The following COA8 variants were observed in gnomAD, a reference collection of about 807,000 sequenced individuals.
COA8 encodes cytochrome c oxidase assembly factor 8.
In COA8, 20 loss-of-function variants were observed where a neutral mutation model predicts 22.0. The observed-to-expected ratio is 0.91, with a 90% CI of 0.64 to 1.32. COA8 has a LOEUF of 1.32. Among genes scored for constraint, COA8 ranks in the 40% most tolerant of loss-of-function variants. The probability of loss-of-function intolerance (pLI) is 0.00; values close to 1 mark genes in which losing one functional copy is unlikely to be tolerated. For missense variants in COA8, 266 were observed against 230.0 expected (o/e 1.16, Z -1.01); for synonymous variants, 105 against 79.9 (o/e 1.31, Z -1.68).
Position 103,590,365 on chromosome 14 carries a change from A to G in COA8, c.*79A>G, listed in dbSNP as rs1225755785. On this transcript the variant is annotated 3_prime_UTR_variant, in exon 5 of 5. Transcript: ENST00000409074. Reference sequence around the variant, plus strand: ...TCCTTTCACAGGGGCTCTGAGAAAAACTGGAGCTGATCTCAAGAAGCCCCA... The same window carrying G: ...TCCTTTCACAGGGGCTCTGAGAAAAGCTGGAGCTGATCTCAAGAAGCCCCA... 5.2e-6 allele frequency: 7 copies of G among 1,337,656 alleles called. No individual in the cohort carries two copies. Among genetic ancestry groups the G allele is most frequent in the Non-Finnish European group, 7.3e-6 (7 of 958,316 alleles). 82.9% of individuals were successfully genotyped at this position (1,337,656 alleles called of 1,614,324 possible). A position where few individuals can be genotyped will look rare whatever the true frequency, so the allele number is the denominator to read the frequency against.
At chr14:103,571,495 G>A (rs898913531) in intron 1 of COA8, 128 bp from the exon 2 acceptor site, 15 of 907,816 alleles carry the variant, frequency 1.7e-5, no homozygotes, top group Middle Eastern at 2.9e-4. Flanking sequence ...CTGAGATCAC[G>A]CCACTACACT....
chr14:103,578,097 G>A (rs2076242308), intron 3 of COA8, among the ~76,000 whole-genome samples: 1 of 151,826 alleles, frequency 6.6e-6, no homozygotes, highest in Non-Finnish European at 1.5e-5. Flanking sequence ...GGGAGGCTGA[G>A]GTGGGAGGAT....
chr14:103,583,414 G>A (rs966701548), intron 3 of COA8, among the ~76,000 whole-genome samples: 1 of 151,776 alleles, frequency 6.6e-6, no homozygotes, highest in Non-Finnish European at 1.5e-5. Context: ...GGTGGCGGGC[G>A]CCTGTAATCC....
intron 1 of COA8, chr14:103,563,396 C>T (rs1055755954): frequency 1.9e-4 from 116 of 606,850 alleles, no homozygotes; most frequent in Non-Finnish European, 2.3e-4. Flanking sequence ...TTGTACCTAC[C>T]TTATTTGTTC....
intron 3 of COA8, among the ~76,000 whole-genome samples, chr14:103,586,758 G>A (rs371789481): frequency 2.6e-5 from 4 of 151,554 alleles, no homozygotes; most frequent in East Asian, 1.9e-4. Context: ...TAGTAGAGAC[G>A]GGGTTTCACC....
chr14:103,576,621 T>C (rs564555776), intron 3 of COA8, among the ~76,000 whole-genome samples: 1 of 152,332 alleles, frequency 6.6e-6, no homozygotes, highest in East Asian at 1.9e-4. Flanking sequence ...AGCAATTTCT[T>C]CCTCATGTTT....
intron 3 of COA8, among the ~76,000 whole-genome samples, chr14:103,585,292 A>G (rs2076297591): frequency 6.6e-6 from 1 of 151,588 alleles, no homozygotes; most frequent in Non-Finnish European, 1.5e-5. Flanking sequence ...CAGCCTGACC[A>G]ACATGGAGAA....
Position 103,562,962 on chromosome 14 carries a change from A to T in COA8, c.-40A>T. The T allele has an allele frequency of 6.8e-7, 1 of 1,476,416 alleles. No homozygotes were observed. Among genetic ancestry groups the T allele is most frequent in the Non-Finnish European group, 8.9e-7 (1 of 1,120,664 alleles). The allele number at this position is 1,476,416 out of a possible 1,614,324, so 91.5% of individuals were successfully genotyped here. On this transcript the variant is annotated 5_prime_UTR_variant, in exon 1 of 5. Transcript: ENST00000409074. ...GTAAAGCGGCCCCTCGCGCCGTCGC[A>T]ATGCTGCCGTGCGCCGCGGGAGCCA...
chr14:103,564,682 C>T (rs2076122614), intron 1 of COA8, among the ~76,000 whole-genome samples: 1 of 146,428 alleles, frequency 6.8e-6, no homozygotes, highest in Admixed American at 7.2e-5. Context: ...CGGGCTCAAG[C>T]GATTCTCGTG....
At chr14:103,563,163 A>G (rs1437651116) in intron 1 of COA8, 39 bp downstream of exon 1, 2 of 1,538,334 alleles carry the variant, frequency 1.3e-6, no homozygotes, top group East Asian at 2.4e-5. Context: ...GGGAGGGGTG[A>G]CCGGAAGGGA....
At position 103,576,624 on chromosome 14, in the gene COA8, T is replaced by C. The variant is rs1285008895; in HGVS notation, c.385+2454T>C. On this transcript the variant is annotated intron_variant, in intron 3 of 4. Coordinates refer to ENST00000409074, the MANE Select transcript of COA8 (RefSeq NM_001370595.2). Reference sequence around the variant, plus strand: ...CGCTAGGACCAGAGCAATTTCTTCCTCATGTTTAAACTTTTCTCCTAGGCC... The same window carrying C: ...CGCTAGGACCAGAGCAATTTCTTCCCCATGTTTAAACTTTTCTCCTAGGCC... Among the ~76,000 whole-genome samples, 3 of 152,190 alleles carry C rather than the reference T, an allele frequency of 2.0e-5. No homozygotes were observed. The East Asian group carries it at 5.8e-4, about 29-fold the overall frequency.
intron 1 of COA8, among the ~76,000 whole-genome samples, 155 bp from the exon 2 acceptor site, chr14:103,571,468 T>C (rs2076183614): frequency 6.6e-6 from 1 of 152,186 alleles, no homozygotes; most frequent in African/African-American, 2.4e-5. Flanking sequence ...CTCCTACTTG[T>C]AATCCCAGCA....
At chr14:103,577,522 A>G (rs764314154) in intron 3 of COA8, among the ~76,000 whole-genome samples, 8 of 152,182 alleles carry the variant, frequency 5.3e-5, no homozygotes, top group Non-Finnish European at 8.8e-5. Flanking sequence ...AGAAGAATTT[A>G]GCTACACATA....
Position 103,563,042 on chromosome 14 carries a change from C to T in COA8, c.41C>T (p.Pro14Leu), listed in dbSNP as rs74917403. The stretch of plus-strand genomic sequence containing the variant: ...GCGGGGAAGAAGACCTTTCTCCCCC[C>T]TCTCTGCCGCGCCTTCGCCTGCCGC... ...LRAGKKTFLP[P>L]LCRAFACRGC... Residue 14 changes from proline (P) to leucine (L), a missense_variant, in exon 1 of 5, where the codon CCT becomes CTT. Pro to Leu is a moderately conservative substitution (Grantham distance 98). Coordinates refer to ENST00000409074, the MANE Select transcript of COA8 (RefSeq NM_001370595.2). The T allele has an allele frequency of 2.3e-5, 36 of 1,543,340 alleles. No individual in the cohort carries two copies. In the East Asian group the frequency reaches 3.8e-4, roughly 16 times the overall value.
chr14:103,565,622 T>G (rs1018597973), intron 1 of COA8, among the ~76,000 whole-genome samples: 1 of 151,344 alleles, frequency 6.6e-6, no homozygotes, highest in African/African-American at 2.4e-5. Flanking sequence ...TTTTTAATTT[T>G]TTTTTTTTTT....
At chr14:103,569,857 G>C (rs142931219) in intron 1 of COA8, among the ~76,000 whole-genome samples, 2,194 of 151,852 alleles carry the variant, frequency 0.014, 53 homozygotes, top group African/African-American at 0.05. Flanking sequence ...TTGGTTTTTT[G>C]TTTGTTTGTT....
chr14:103,575,040 C>T (rs1373370525), intron 3 of COA8, among the ~76,000 whole-genome samples: 2 of 152,242 alleles, frequency 1.3e-5, no homozygotes, highest in Non-Finnish European at 2.9e-5. Context: ...ATTCTCACGT[C>T]GGGAGTCGGA....
chr14:103,568,883 C>T (rs921705340), intron 1 of COA8, among the ~76,000 whole-genome samples: 6 of 152,068 alleles, frequency 3.9e-5, no homozygotes, highest in Non-Finnish European at 8.8e-5. Flanking sequence ...CCACCTGCTT[C>T]GGCTTCCCAA....
intron 2 of COA8, among the ~76,000 whole-genome samples, chr14:103,572,894 T>G (rs2076199566): frequency 6.6e-6 from 1 of 151,974 alleles, no homozygotes; most frequent in Non-Finnish European, 1.5e-5. Context: ...GTGATTCTCT[T>G]GCCTCACCCT....
Sources: gnomAD v4.1 joint callset for allele counts (sites outside exome capture counted in the v4.1 genomes callset) on GRCh38, gnomAD v4.1.1 for gene constraint, MANE v1.5 for transcripts, NCBI Gene and HGNC (gene_info 2026-07-23, HGNC 2026-07-21) for gene names.